Variants in CDKAL1 observed in about 807,000 individuals in gnomAD.
The protein encoded by CDKAL1 is threonylcarbamoyladenosine tRNA methylthiotransferase.
In CDKAL1, 32 loss-of-function variants were observed where a neutral mutation model predicts 68.2. The observed-to-expected ratio is 0.47, with a 90% CI of 0.35 to 0.63. The LOEUF (loss-of-function observed/expected upper bound fraction) is 0.63. Among genes scored for constraint, CDKAL1 ranks in the 30% least tolerant of loss-of-function variants. CDKAL1 has a pLI of 0.00. For missense variants in CDKAL1, 606 were observed against 696.7 expected, an observed-to-expected ratio of 0.87 and a Z score of 1.47; for synonymous variants, 234 against 244.3, an observed-to-expected ratio of 0.96 and a Z score of 0.39.
intron 8 of CDKAL1, among the ~76,000 whole-genome samples, chr6:20,839,702 G>T (rs538285007): frequency 6.6e-6 from 1 of 152,078 alleles, no homozygotes; most frequent in Non-Finnish European, 1.5e-5. Context: ...AGACAAGATT[G>T]TTGATCCTTT....
chr6:21,007,983 G>A (rs1767821714), intron 11 of CDKAL1, among the ~76,000 whole-genome samples: 1 of 152,222 alleles, frequency 6.6e-6, no homozygotes, highest in South Asian at 2.1e-4. Context: ...TGTACACTTA[G>A]AAGAGAAGAT....
chr6:21,045,328 T>C (rs1223774028), intron 11 of CDKAL1, among the ~76,000 whole-genome samples: 1 of 152,182 alleles, frequency 6.6e-6, no homozygotes, highest in Admixed American at 6.5e-5. Context: ...AATCCTCAGA[T>C]TCTTTTGCCA....
intron 5 of CDKAL1, among the ~76,000 whole-genome samples, chr6:20,707,751 C>CAATA (rs1360860445): frequency 2.0e-5 from 3 of 152,180 alleles, no homozygotes; most frequent in African/African-American, 7.2e-5. Context: ...ATTAATTGTG[C>CAATA]TGGTATAGTG....
chr6:21,041,674 A>G (rs1421682423), intron 11 of CDKAL1, among the ~76,000 whole-genome samples: 4 of 148,068 alleles, frequency 2.7e-5, no homozygotes, highest in African/African-American at 1.0e-4. Flanking sequence ...ATACTTGCCT[A>G]TCGTATTTGG....
At chr6:20,574,564 G>A (rs1382720208) in intron 4 of CDKAL1, among the ~76,000 whole-genome samples, 1 of 152,098 alleles carries the variant, frequency 6.6e-6, no homozygotes, top group Non-Finnish European at 1.5e-5. Flanking sequence ...TTTATCAAGG[G>A]TCACCATGTT....
At chr6:20,593,492 T>C (rs1430330967) in intron 4 of CDKAL1, among the ~76,000 whole-genome samples, 1 of 152,148 alleles carries the variant, frequency 6.6e-6, no homozygotes, top group Non-Finnish European at 1.5e-5. Context: ...TGATAGTTTG[T>C]ATTTCTGGGG....
At chr6:20,910,302 C>T (rs1762412290) in intron 9 of CDKAL1, among the ~76,000 whole-genome samples, 1 of 152,040 alleles carries the variant, frequency 6.6e-6, no homozygotes, top group African/African-American at 2.4e-5. Flanking sequence ...TTAGGTAATG[C>T]TGCCTGACCT....
chr6:20,936,539 C>CACT (rs1763723486), intron 9 of CDKAL1, among the ~76,000 whole-genome samples: 1 of 151,244 alleles, frequency 6.6e-6, no homozygotes. Flanking sequence ...CGTGAGCCAC[C>CACT]GCGCCCGGCC....
At chr6:21,075,706 A>G (rs1215823825) in intron 12 of CDKAL1, among the ~76,000 whole-genome samples, 1 of 152,190 alleles carries the variant, frequency 6.6e-6, no homozygotes, top group East Asian at 1.9e-4. Flanking sequence ...GTCTTCCTTC[A>G]TTAGTCTTCA....
At chr6:20,603,592 C>G (rs182961781) in intron 4 of CDKAL1, among the ~76,000 whole-genome samples, 11 of 152,048 alleles carry the variant, frequency 7.2e-5, no homozygotes, top group Admixed American at 7.2e-4. Flanking sequence ...AAGTGTTACT[C>G]AGAAGCAGAC....
intron 11 of CDKAL1, among the ~76,000 whole-genome samples, chr6:21,004,238 C>A (rs1767604551): frequency 6.6e-6 from 1 of 152,130 alleles, no homozygotes; most frequent in Admixed American, 6.5e-5. Context: ...AATTAATTTT[C>A]TTTGCAGTTG....
intron 8 of CDKAL1, among the ~76,000 whole-genome samples, chr6:20,796,327 A>G (rs1020521676): frequency 2.0e-5 from 3 of 152,224 alleles, no homozygotes; most frequent in East Asian, 1.9e-4. Context: ...GGAAATTTAC[A>G]AAACAGAAGA....
chr6:20,896,530 G>C (rs754375596), intron 9 of CDKAL1, among the ~76,000 whole-genome samples: 1 of 152,136 alleles, frequency 6.6e-6, no homozygotes, highest in Non-Finnish European at 1.5e-5. Context: ...GCATATTTCT[G>C]TAATTGCTTA....
chr6:21,108,677 A>G (rs948944488), intron 13 of CDKAL1, among the ~76,000 whole-genome samples: 1 of 152,170 alleles, frequency 6.6e-6, no homozygotes, highest in Non-Finnish European at 1.5e-5. Flanking sequence ...AAATCTAGTT[A>G]CATATTGGCA....
chr6:20,900,486 A>C (rs1219455474), intron 9 of CDKAL1, among the ~76,000 whole-genome samples: 1 of 152,258 alleles, frequency 6.6e-6, no homozygotes, highest in Non-Finnish European at 1.5e-5. Context: ...TAACAGCACC[A>C]GCATCGTAAG....
At chr6:20,590,686 C>CTCA (rs1279196313) in intron 4 of CDKAL1, among the ~76,000 whole-genome samples, 1 of 152,186 alleles carries the variant, frequency 6.6e-6, no homozygotes, top group African/African-American at 2.4e-5. Context: ...AGGACATGAA[C>CTCA]TCATCCTTTT....
chr6:20,896,480 C>T (rs548406187), intron 9 of CDKAL1, among the ~76,000 whole-genome samples: 2 of 152,180 alleles, frequency 1.3e-5, no homozygotes, highest in African/African-American at 4.8e-5. Context: ...AAAACAAATT[C>T]GTAAGTCCAA....
At chr6:20,706,976 G>A (rs1771627523) in intron 5 of CDKAL1, among the ~76,000 whole-genome samples, 1 of 152,128 alleles carries the variant, frequency 6.6e-6, no homozygotes, top group Admixed American at 6.6e-5. Flanking sequence ...GTGGGGTTTG[G>A]TGATTACTTC....
chr6:20,798,926 A>G (rs2150401925), intron 8 of CDKAL1, among the ~76,000 whole-genome samples: 1 of 150,584 alleles, frequency 6.6e-6, no homozygotes, highest in Non-Finnish European at 1.5e-5. Flanking sequence ...ACAAAAAAAA[A>G]AAAAAAAAGA....
Sources: allele counts gnomAD v4.1 joint callset (sites outside exome capture counted in the v4.1 genomes callset), GRCh38; gene constraint gnomAD v4.1.1; transcripts MANE v1.5; gene names NCBI Gene and HGNC (gene_info 2026-07-23, HGNC 2026-07-21).